Variants in OTOGL observed in about 807,000 individuals in gnomAD.
OTOGL encodes otogelin like.
A neutral mutation model predicts 318.5 loss-of-function variants in OTOGL; 285 were observed. That is an observed-to-expected ratio of 0.89 (90% CI 0.81 to 0.99). OTOGL has a LOEUF of 0.99. OTOGL is among the 50% of genes least tolerant of loss of function. OTOGL has a pLI of 0.00. For missense variants in OTOGL, 2,899 were observed against 2,845.6 expected (o/e 1.02, Z -0.43); for synonymous variants, 987 against 936.5 (o/e 1.05, Z -0.99).
chr12:80,129,493 T>C (rs1416501174), intron 1 of OTOGL, among the ~76,000 whole-genome samples: 1 of 152,224 alleles, frequency 6.6e-6, no homozygotes, highest in Non-Finnish European at 1.5e-5. Flanking sequence ...AGTTGGCTTT[T>C]AATGTCAAAA....
intron 1 of OTOGL, among the ~76,000 whole-genome samples, chr12:80,125,371 C>T (rs1870758270): frequency 6.6e-6 from 1 of 152,228 alleles, no homozygotes; most frequent in Non-Finnish European, 1.5e-5. Context: ...ATCAGCCTTG[C>T]ATCCCAGGGA....
chr12:80,158,565 C>T (rs1298192399), intron 1 of OTOGL, among the ~76,000 whole-genome samples: 4 of 151,768 alleles, frequency 2.6e-5, no homozygotes, highest in Non-Finnish European at 4.4e-5. Flanking sequence ...TTTATATGTA[C>T]ATTATATATA....
chr12:80,143,946 C>T (rs1872129536), intron 1 of OTOGL, among the ~76,000 whole-genome samples: 1 of 151,692 alleles, frequency 6.6e-6, no homozygotes, highest in South Asian at 2.1e-4. Flanking sequence ...CTAAAAGGGA[C>T]TAATTTACAC....
At chr12:80,128,328 T>A (rs1592475243) in intron 1 of OTOGL, among the ~76,000 whole-genome samples, 1 of 152,184 alleles carries the variant, frequency 6.6e-6, no homozygotes, top group African/African-American at 2.4e-5. Flanking sequence ...TTGCCTGGGT[T>A]TCAGCAGCGG....
rs1592618808 is a variant in OTOGL at position 80,257,714 on chromosome 12, C to T, written c.1712-111C>T. 6.4e-6 allele frequency: 7 copies of T among 1,100,994 alleles called. No individual in the cohort carries two copies. In the Admixed American group the frequency reaches 1.3e-4, roughly 21 times the overall value. The allele number at this position is 1,100,994 out of a possible 1,614,324, so 68.2% of individuals were successfully genotyped here. On this transcript the variant is annotated intron_variant, in intron 17 of 58. Transcript: ENST00000547103. ...GCACAGACAGGAACCACTAGCCTGC[C>T]TCTCCTCCTTCCCTGGTATCTGGGG...
At chr12:80,299,398 T>C (rs985276580) in intron 27 of OTOGL, among the ~76,000 whole-genome samples, 1 of 152,186 alleles carries the variant, frequency 6.6e-6, no homozygotes, top group Non-Finnish European at 1.5e-5. Context: ...GAAGTGGTGA[T>C]TGCAACTCCA....
At chr12:80,238,395 C>T (rs1423085585) in intron 9 of OTOGL, among the ~76,000 whole-genome samples, 1 of 151,874 alleles carries the variant, frequency 6.6e-6, no homozygotes, top group African/African-American at 2.4e-5. Context: ...TTTGTGTGGA[C>T]CCTGTCCACC....
At chr12:80,305,414 T>G (rs2137751384) in intron 28 of OTOGL, among the ~76,000 whole-genome samples, 162 bp from the exon 29 acceptor site, 1 of 152,310 alleles carries the variant, frequency 6.6e-6, no homozygotes, top group Non-Finnish European at 1.5e-5. Flanking sequence ...TATAATTAAA[T>G]TGGTATGAGA....
intron 1 of OTOGL, among the ~76,000 whole-genome samples, chr12:80,198,949 C>T (rs540580880): frequency 1.5e-4 from 23 of 152,260 alleles, no homozygotes; most frequent in Non-Finnish European, 3.1e-4. Context: ...TCCTTGAATA[C>T]TGAGTGATCT....
At chr12:80,278,662 A>G (rs899269272) in intron 25 of OTOGL, among the ~76,000 whole-genome samples, 2 of 151,594 alleles carry the variant, frequency 1.3e-5, no homozygotes, top group Non-Finnish European at 3.0e-5. Context: ...ATGGACAAAG[A>G]TTCTAAACTC....
intron 18 of OTOGL, among the ~76,000 whole-genome samples, chr12:80,259,596 T>C (rs1451927965): frequency 6.6e-6 from 1 of 151,968 alleles, no homozygotes; most frequent in Non-Finnish European, 1.5e-5. Context: ...TGTGTACTCA[T>C]TGCTCAACTC....
At chr12:80,183,133 G>C (rs1875045362) in intron 1 of OTOGL, among the ~76,000 whole-genome samples, 1 of 152,170 alleles carries the variant, frequency 6.6e-6, no homozygotes, top group African/African-American at 2.4e-5. Context: ...GTCAAGTGTA[G>C]GGACTGTGCA....
chr12:80,177,959 T>G (rs916364872), intron 1 of OTOGL, among the ~76,000 whole-genome samples: 82 of 152,072 alleles, frequency 5.4e-4, no homozygotes, highest in African/African-American at 1.9e-3. Flanking sequence ...TACAGAAACA[T>G]GAGTTATTTC....
intron 1 of OTOGL, among the ~76,000 whole-genome samples, chr12:80,190,583 C>T (rs1447773371): frequency 6.6e-6 from 1 of 151,526 alleles, no homozygotes; most frequent in African/African-American, 2.4e-5. Flanking sequence ...GTCAGGAGAT[C>T]GAGACCATCC....
chr12:80,349,549 C>T (rs930565507), intron 44 of OTOGL, among the ~76,000 whole-genome samples: 1 of 151,920 alleles, frequency 6.6e-6, no homozygotes, highest in Non-Finnish European at 1.5e-5. Flanking sequence ...CAATGGAGCG[C>T]GGTACCTTTG....
In OTOGL at chr12:80,335,992, T is replaced by TA; in HGVS notation, c.4453dup (p.Ser1485LysfsTer7). 1.3e-6 allele frequency: 2 copies of TA among 1,590,624 alleles called. No homozygotes were observed. Among genetic ancestry groups the TA allele is most frequent in the Non-Finnish European group, 1.7e-6 (2 of 1,176,008 alleles). ...AGAAATTTGATCCTGTTTATGATTG[T>TA]AGCCAATACATATGCCTTAATATGG... On this transcript the variant is annotated frameshift_variant, in exon 39 of 59. Coordinates refer to ENST00000547103, the MANE Select transcript of OTOGL (RefSeq NM_001378609.3). LOFTEE classifies it high-confidence loss of function.
chr12:80,353,344 G>A lies in OTOGL; in HGVS notation c.5427G>A (p.Gly1809=). Residue 1809 remains glycine, a synonymous_variant, in exon 46 of 59, where the codon GGG becomes GGA. Transcript: ENST00000547103. ...PDYCSLSCPE[G]KEYQPCVRPC... ...TCAAAGCCCTGAGTTGCCCAGAGGG[G>A]AAGGAATATCAACCCTGTGTGCGAC... 6.3e-7 allele frequency: 1 copy of A among 1,577,504 alleles called. No individual in the cohort carries two copies. The highest frequency in any genetic ancestry group is 8.6e-7 in the Non-Finnish European group (1 of 1,160,532).
chr12:80,307,017 G>A (rs1041031690), intron 29 of OTOGL, among the ~76,000 whole-genome samples: 1 of 148,522 alleles, frequency 6.7e-6, no homozygotes, highest in East Asian at 1.9e-4. Flanking sequence ...CTCTTAACGA[G>A]CATGCTGCCT....
At chr12:80,328,836 C>A in intron 36 of OTOGL, 92 bp downstream of exon 36, 1 of 1,228,776 alleles carries the variant, frequency 8.1e-7, no homozygotes. Context: ...AAGTTTTAAA[C>A]AGACAATCAA....
Sources: allele counts gnomAD v4.1 joint callset (sites outside exome capture counted in the v4.1 genomes callset), GRCh38; gene constraint gnomAD v4.1.1; transcripts MANE v1.5; gene names NCBI Gene and HGNC (gene_info 2026-07-23, HGNC 2026-07-21).